FBXW11: variants seen among roughly 807,000 people sequenced by gnomAD.
FBXW11 encodes the protein F-box/WD repeat-containing protein 11.
In FBXW11, 19 loss-of-function variants were observed where a neutral mutation model predicts 77.6. That is an observed-to-expected ratio of 0.24 (90% CI 0.17 to 0.36). FBXW11 has a LOEUF of 0.36. Among genes scored for constraint, FBXW11 ranks in the 10% least tolerant of loss-of-function variants. The pLI, the probability that FBXW11 is intolerant of heterozygous loss-of-function variation, is 1.00. For synonymous variants in FBXW11, 235 were observed against 249.4 expected (o/e 0.94, Z 0.54); for missense variants, 334 against 704.2 (o/e 0.47, Z 5.95).
chr5:171,994,883 CA>C (rs1182921008), intron 1 of FBXW11, among the ~76,000 whole-genome samples: 1 of 152,014 alleles, frequency 6.6e-6, no homozygotes, highest in African/African-American at 2.4e-5. Flanking sequence ...ACTAAAAATA[CA>C]AAAATTAGCT....
chr5:171,865,986 C>T (rs1757366581), intron 13 of FBXW11, among the ~76,000 whole-genome samples: 1 of 152,020 alleles, frequency 6.6e-6, no homozygotes, highest in Non-Finnish European at 1.5e-5. Flanking sequence ...CATTTGGGGC[C>T]GCACGCGGTG....
At chr5:171,886,766 C>T (rs1450934182) in intron 7 of FBXW11, among the ~76,000 whole-genome samples, 1 of 152,000 alleles carries the variant, frequency 6.6e-6, no homozygotes, top group African/African-American at 2.4e-5. Flanking sequence ...GTAATCTCAG[C>T]ACTTTGGTAG....
chr5:171,947,724 T>C (rs1763085503), intron 2 of FBXW11, among the ~76,000 whole-genome samples: 1 of 152,134 alleles, frequency 6.6e-6, no homozygotes, highest in African/African-American at 2.4e-5. Flanking sequence ...TGTACCAGCC[T>C]GGGGAACATA....
chr5:171,883,756 G>GTGTTGAGC (rs931642182), intron 7 of FBXW11, among the ~76,000 whole-genome samples: 1 of 151,876 alleles, frequency 6.6e-6, no homozygotes, highest in Non-Finnish European at 1.5e-5. Flanking sequence ...ATTTTTTCCT[G>GTGTTGAGC]TGTTGAGCAT....
intron 1 of FBXW11, among the ~76,000 whole-genome samples, chr5:172,006,118 A>T (rs1766745943): frequency 6.6e-6 from 1 of 152,176 alleles, no homozygotes; most frequent in African/African-American, 2.4e-5. Flanking sequence ...AAGAAAAAAA[A>T]ATCCCTTTCT....
intron 1 of FBXW11, among the ~76,000 whole-genome samples, chr5:172,004,707 C>T (rs1418024131): frequency 6.6e-6 from 1 of 152,102 alleles, no homozygotes; most frequent in Non-Finnish European, 1.5e-5. Context: ...TGTGTACATT[C>T]TTAAGAATAT....
chr5:171,873,394 T>C, intron 9 of FBXW11, among the ~76,000 whole-genome samples: 1 of 152,136 alleles, frequency 6.6e-6, no homozygotes, highest in Middle Eastern at 3.2e-3. Context: ...CACCTAATCC[T>C]AGCACTTTGG....
At chr5:171,982,075 A>G (rs1290434700) in intron 1 of FBXW11, among the ~76,000 whole-genome samples, 2 of 152,148 alleles carry the variant, frequency 1.3e-5, no homozygotes, top group Non-Finnish European at 2.9e-5. Flanking sequence ...GAAATGTTCC[A>G]TATCTTGATA....
chr5:171,872,859 A>G lies in FBXW11; in HGVS notation c.1340+13T>C, dbSNP rs766970669. On this transcript the variant is annotated intron_variant, in intron 10 of 13. Transcript: ENST00000517395. ...AATCAGCCTGCTCTGTCAGCACACCAACTTCTACCCACCTAATGGTATTAT... is the reference window on the plus strand; with the variant it reads ...AATCAGCCTGCTCTGTCAGCACACCGACTTCTACCCACCTAATGGTATTAT... 6.2e-7 allele frequency: 1 copy of G among 1,601,872 alleles called. No homozygotes were observed. The highest frequency in any genetic ancestry group is 8.6e-7 in the Non-Finnish European group (1 of 1,169,328).
intron 1 of FBXW11, among the ~76,000 whole-genome samples, chr5:171,983,755 T>C (rs1765283289): frequency 6.6e-6 from 1 of 152,146 alleles, no homozygotes; most frequent in Admixed American, 6.6e-5. Context: ...GCAGTATCTA[T>C]TAAAGCTAAA....
At chr5:171,997,039 T>A in intron 1 of FBXW11, 1 of 1,289,768 alleles carries the variant, frequency 7.8e-7, no homozygotes, top group Admixed American at 2.3e-5. Flanking sequence ...ATCCCAAACA[T>A]GCACTTCGGT....
intron 2 of FBXW11, among the ~76,000 whole-genome samples, chr5:171,930,770 A>AG (rs1242165756): frequency 2.1e-5 from 3 of 140,622 alleles, no homozygotes; most frequent in East Asian, 4.4e-4. Flanking sequence ...AATAAAAAAA[A>AG]AAAAAAGAAA....
intron 1 of FBXW11, among the ~76,000 whole-genome samples, chr5:171,959,170 C>T (rs1763768946): frequency 6.6e-6 from 1 of 151,784 alleles, no homozygotes; most frequent in Admixed American, 6.6e-5. Flanking sequence ...AAAAATTGAG[C>T]AGCTTTCTGG....
chr5:171,946,303 T>C (rs1763004179), intron 2 of FBXW11, among the ~76,000 whole-genome samples: 1 of 152,188 alleles, frequency 6.6e-6, no homozygotes, highest in African/African-American at 2.4e-5. Context: ...TGCTGATCAA[T>C]CTTAGAGTTG....
At chr5:171,956,401 T>C (rs1175436316) in intron 2 of FBXW11, among the ~76,000 whole-genome samples, 1 of 152,200 alleles carries the variant, frequency 6.6e-6, no homozygotes, top group Non-Finnish European at 1.5e-5. Context: ...CACCTTTATA[T>C]ACAGAATCTA....
intron 7 of FBXW11, among the ~76,000 whole-genome samples, chr5:171,887,666 CTTTTT>C (rs543531783): frequency 6.8e-6 from 1 of 146,294 alleles, no homozygotes; most frequent in Non-Finnish European, 1.5e-5. Flanking sequence ...TGTTTTCTTT[CTTTTT>C]TTTTTTATTT....
intron 1 of FBXW11, chr5:171,996,879 T>C: frequency 7.8e-7 from 1 of 1,278,416 alleles, no homozygotes; most frequent in Non-Finnish European, 1.0e-6. Flanking sequence ...CAATACAGGG[T>C]AATTGCTTAC....
chr5:171,941,085 T>C (rs1304948160), intron 2 of FBXW11, among the ~76,000 whole-genome samples: 1 of 152,116 alleles, frequency 6.6e-6, no homozygotes, highest in Admixed American at 6.6e-5. Context: ...AGTTTCAAAG[T>C]ACCTCCCCAC....
intron 2 of FBXW11, among the ~76,000 whole-genome samples, chr5:171,925,556 C>T (rs1350280048): frequency 6.6e-6 from 1 of 152,244 alleles, no homozygotes; most frequent in Non-Finnish European, 1.5e-5. Flanking sequence ...TCATGGTTCA[C>T]TACAGCCTCA....
Sources: gnomAD v4.1 joint callset for allele counts (sites outside exome capture counted in the v4.1 genomes callset) on GRCh38, gnomAD v4.1.1 for gene constraint, MANE v1.5 for transcripts, NCBI Gene and HGNC (gene_info 2026-07-23, HGNC 2026-07-21) for gene names.